Variants in FAM13A observed in about 807,000 individuals in gnomAD.
The protein encoded by FAM13A is family with sequence similarity 13 member A.
Under a neutral mutation model 129.6 loss-of-function variants are expected in FAM13A, and 76 were observed. The observed-to-expected ratio is 0.59, with a 90% CI of 0.49 to 0.71. The LOEUF is 0.71. Among genes scored for constraint, FAM13A ranks in the 30% least tolerant of loss-of-function variants. The pLI is 0.00. For synonymous variants in FAM13A, 443 were observed against 449.9 expected (o/e 0.98, Z 0.20); for missense variants, 1,108 against 1,249.3 (o/e 0.89, Z 1.70).
chr4:89,020,798 T>C (rs1767159219), intron 2 of FAM13A, 129 bp from the exon 3 acceptor site: 3 of 658,484 alleles, frequency 4.6e-6, no homozygotes, highest in Non-Finnish European at 7.9e-6. Flanking sequence ...TCAATCATTG[T>C]GTAATTTTCA....
At chr4:89,029,722 AC>A in intron 1 of FAM13A, 73 bp from the exon 2 acceptor site, 2 of 1,240,244 alleles carry the variant, frequency 1.6e-6, no homozygotes, top group Non-Finnish European at 2.3e-6. Context: ...CAACAGAAAC[AC>A]CTGAATTAAA....
chr4:88,885,272 C>T (rs1744222492), intron 6 of FAM13A, among the ~76,000 whole-genome samples: 1 of 152,046 alleles, frequency 6.6e-6, no homozygotes, highest in African/African-American at 2.4e-5. Flanking sequence ...TACTATAAGG[C>T]CATAGTCACC....
intron 4 of FAM13A, among the ~76,000 whole-genome samples, chr4:88,945,259 A>G (rs948850807): frequency 2.6e-5 from 4 of 152,216 alleles, no homozygotes; most frequent in Admixed American, 1.3e-4. Flanking sequence ...AAAAACTGCT[A>G]AACTGGACAA....
intron 4 of FAM13A, among the ~76,000 whole-genome samples, chr4:88,974,039 A>G (rs542821911): frequency 6.6e-6 from 1 of 152,258 alleles, no homozygotes; most frequent in East Asian, 1.9e-4. Flanking sequence ...GCTCTAGTAT[A>G]TTTCAAATTG....
intron 6 of FAM13A, among the ~76,000 whole-genome samples, chr4:88,863,793 T>G (rs1305787874): frequency 6.6e-6 from 1 of 152,214 alleles, no homozygotes; most frequent in African/African-American, 2.4e-5. Context: ...GTTTATGTTT[T>G]TTTTTCTTTT....
At chr4:88,803,018 C>CT (rs1175357211) in intron 8 of FAM13A, among the ~76,000 whole-genome samples, 7 of 152,240 alleles carry the variant, frequency 4.6e-5, no homozygotes, top group African/African-American at 1.7e-4. Context: ...TATGCTGGAC[C>CT]TTTCAGAATT....
chr4:88,977,530 T>C (rs11737260), intron 4 of FAM13A, among the ~76,000 whole-genome samples: 2 of 152,112 alleles, frequency 1.3e-5, no homozygotes, highest in South Asian at 2.1e-4. Context: ...GAAAAAAAAA[T>C]CACTGCTCCC....
chr4:88,933,083 T>G (rs138577218), intron 5 of FAM13A, among the ~76,000 whole-genome samples: 2 of 152,200 alleles, frequency 1.3e-5, no homozygotes, highest in East Asian at 3.9e-4. Context: ...ATATGGTATA[T>G]GAATGACATA....
chr4:89,046,707 C>T (rs574140746), intron 1 of FAM13A, among the ~76,000 whole-genome samples: 46 of 152,046 alleles, frequency 3.0e-4, no homozygotes, highest in Non-Finnish European at 6.2e-4. Flanking sequence ...AAAAATTAGC[C>T]GGGTGTAGAG....
At chr4:88,749,376 C>T (rs907706058) in intron 16 of FAM13A, among the ~76,000 whole-genome samples, 8 of 152,118 alleles carry the variant, frequency 5.3e-5, no homozygotes, top group Non-Finnish European at 8.8e-5. Flanking sequence ...GCTCAGCAAC[C>T]GTCACAAAAA....
intron 7 of FAM13A, among the ~76,000 whole-genome samples, chr4:88,830,030 A>G (rs1267786978): frequency 6.6e-6 from 1 of 152,178 alleles, no homozygotes; most frequent in East Asian, 1.9e-4. Context: ...GTGCGCATAT[A>G]TATATTCAAT....
At position 88,747,809 on chromosome 4, in the gene FAM13A, A is replaced by G; in HGVS notation, c.2204T>C (p.Met735Thr). 6.2e-7 allele frequency: 1 copy of G among 1,614,166 alleles called. No homozygotes were observed. Among genetic ancestry groups the G allele is most frequent in the South Asian group, 1.1e-5 (1 of 91,092 alleles). ...KISEEDLTPR[M>T]RQRSNTLPKS... ...GGGGAGTGTGTTGCTTCGCTGCCGC[A>G]TCCTGGGAGTTAGGTCCTCTTCAGA... Residue 735 changes from methionine (M) to threonine (T), a missense_variant, in exon 18 of 24, where the codon ATG becomes ACG. Physicochemically the swap from Met to Thr is moderately conservative, Grantham distance 81 (BLOSUM62 -1). Around this residue, in one of 3 missense-constraint regions of FAM13A, gnomAD observed 529 missense variants for 621.2 expected, o/e 0.85. Coordinates refer to ENST00000264344, the MANE Select transcript of FAM13A (RefSeq NM_014883.4).
At chr4:88,886,783 T>C (rs958515890) in intron 6 of FAM13A, among the ~76,000 whole-genome samples, 5 of 151,802 alleles carry the variant, frequency 3.3e-5, no homozygotes, top group Admixed American at 2.6e-4. Context: ...GACGCATGCC[T>C]GTAATCCCAG....
chr4:88,800,307 T>C (rs1474988817), intron 8 of FAM13A, among the ~76,000 whole-genome samples: 5 of 152,208 alleles, frequency 3.3e-5, no homozygotes, highest in African/African-American at 1.2e-4. Context: ...ATGGCAACCT[T>C]TGTTTATATT....
chr4:88,889,516 GGAGGGT>G, intron 6 of FAM13A, among the ~76,000 whole-genome samples: 1 of 152,320 alleles, frequency 6.6e-6, no homozygotes, highest in Non-Finnish European at 1.5e-5. Flanking sequence ...GTGGCAAACA[GGAGGGT>G]GAGTTGTGGC....
intron 3 of FAM13A, among the ~76,000 whole-genome samples, chr4:88,994,328 C>T (rs1441665342): frequency 6.6e-6 from 1 of 152,164 alleles, no homozygotes; most frequent in Non-Finnish European, 1.5e-5. Flanking sequence ...TATGTATCTG[C>T]ATTTTGTAAA....
chr4:89,015,055 A>T (rs754134686), intron 3 of FAM13A, among the ~76,000 whole-genome samples: 2 of 152,136 alleles, frequency 1.3e-5, no homozygotes, highest in African/African-American at 4.8e-5. Flanking sequence ...CGCTCTGGGA[A>T]TATCTGTCTT....
At chr4:88,919,668 T>C (rs1278159331) in intron 5 of FAM13A, among the ~76,000 whole-genome samples, 2 of 152,110 alleles carry the variant, frequency 1.3e-5, no homozygotes, top group Non-Finnish European at 2.9e-5. Flanking sequence ...ACCGGGTTCA[T>C]CTCACTAGGG....
intron 14 of FAM13A, among the ~76,000 whole-genome samples, chr4:88,750,939 A>G (rs1742464594): frequency 6.6e-6 from 1 of 151,902 alleles, no homozygotes; most frequent in South Asian, 2.1e-4. Context: ...AGTGATAAAA[A>G]CTCTTCCACG....
Sources: allele counts gnomAD v4.1 joint callset (sites outside exome capture counted in the v4.1 genomes callset), GRCh38; gene constraint gnomAD v4.1.1; regional missense constraint gnomAD v4.1.1; transcripts MANE v1.5; gene names NCBI Gene and HGNC (gene_info 2026-07-23, HGNC 2026-07-21).